GRIP1: variants seen among roughly 807,000 people sequenced by gnomAD.
The protein encoded by GRIP1 is glutamate receptor interacting protein 1, also known as glutamate receptor-interacting protein 1.
GRIP1 carries 45 observed loss-of-function variants against 129.9 expected under a neutral mutation model. The ratio of observed to expected loss-of-function variants is 0.35; its 90% confidence interval spans 0.27 to 0.44. The LOEUF is 0.44. Among genes scored for constraint, GRIP1 ranks in the 20% least tolerant of loss-of-function variants. GRIP1 has a pLI of 1.00. For missense variants in GRIP1, 1,196 were observed against 1,396.8 expected, an observed-to-expected ratio of 0.86 and a Z score of 2.29; for synonymous variants, 530 against 520.8, an observed-to-expected ratio of 1.02 and a Z score of -0.24.
chr12:66,602,674 T>C (rs77925967), intron 1 of GRIP1, among the ~76,000 whole-genome samples: 3,209 of 152,152 alleles, frequency 0.021, 117 homozygotes, highest in African/African-American at 0.073. Flanking sequence ...TTCCCTGTGA[T>C]AGTCTCTTTC....
At chr12:66,805,821 T>G (rs2038978968), upstream of GRIP1, among the ~76,000 whole-genome samples, 1 of 152,194 alleles carries the variant, frequency 6.6e-6, no homozygotes, top group South Asian at 2.1e-4. Flanking sequence ...TCTGTGAAGT[T>G]CCTTTATTCC....
At chr12:67,016,770 A>G (rs76537745) in intron 1 of GRIP1, among the ~76,000 whole-genome samples, 3,280 of 152,308 alleles carry the variant, frequency 0.022, 105 homozygotes, top group East Asian at 0.093. Flanking sequence ...TTTTTGCATA[A>G]TATTTCAAAA....
At chr12:66,613,551 G>C (rs1322818794) in intron 1 of GRIP1, among the ~76,000 whole-genome samples, 1 of 152,098 alleles carries the variant, frequency 6.6e-6, no homozygotes, top group Non-Finnish European at 1.5e-5. Flanking sequence ...TGCTTTACAT[G>C]ATAAATGATG....
intron 1 of GRIP1, among the ~76,000 whole-genome samples, chr12:66,704,995 A>T (rs1458832068): frequency 6.6e-6 from 1 of 152,098 alleles, no homozygotes; most frequent in Non-Finnish European, 1.5e-5. Context: ...TTATCTAGGC[A>T]GTAAGCTCCA....
intron 1 of GRIP1, among the ~76,000 whole-genome samples, chr12:67,042,053 A>C (rs1458911214): frequency 6.6e-6 from 1 of 152,162 alleles, no homozygotes; most frequent in Non-Finnish European, 1.5e-5. Flanking sequence ...CTGTTACAGC[A>C]GGACTGAGTT....
At chr12:66,612,821 T>C (rs1490181662) in intron 1 of GRIP1, among the ~76,000 whole-genome samples, 1 of 152,164 alleles carries the variant, frequency 6.6e-6, no homozygotes, top group Non-Finnish European at 1.5e-5. Context: ...TGCGATTCCA[T>C]GGACCCCTAG....
At chr12:66,680,828 C>G (rs556559040), upstream of GRIP1, among the ~76,000 whole-genome samples, 1 of 152,154 alleles carries the variant, frequency 6.6e-6, no homozygotes, top group Non-Finnish European at 1.5e-5. Flanking sequence ...ACCACCACCC[C>G]AGCCCAGTCT....
chr12:66,417,175 A>G (rs2057637355), intron 15 of GRIP1, among the ~76,000 whole-genome samples: 1 of 152,166 alleles, frequency 6.6e-6, no homozygotes, highest in South Asian at 2.1e-4. Flanking sequence ...TGTCAGTAGA[A>G]TAAAGGACAA....
chr12:66,461,827 G>C (rs2059145181), intron 9 of GRIP1, among the ~76,000 whole-genome samples: 1 of 152,150 alleles, frequency 6.6e-6, no homozygotes, highest in African/African-American at 2.4e-5. Context: ...TTCAATTTCA[G>C]AGAAAACTGC....
intron 1 of GRIP1, among the ~76,000 whole-genome samples, chr12:66,620,047 A>G (rs2065202346): frequency 6.6e-6 from 1 of 152,152 alleles, no homozygotes; most frequent in Admixed American, 6.6e-5. Context: ...TATAATACAG[A>G]TAATATATGG....
At chr12:66,413,012 A>G (rs936250695) in intron 15 of GRIP1, among the ~76,000 whole-genome samples, 1 of 152,194 alleles carries the variant, frequency 6.6e-6, no homozygotes, top group East Asian at 1.9e-4. Flanking sequence ...TGACAGTGGG[A>G]TATTGTAACA....
rs550141899 is a variant in GRIP1 at position 66,547,396 on chromosome 12, C to T, written c.137-5446G>A. Among the ~76,000 whole-genome samples the T allele has an allele frequency of 1.3e-3, 200 of 152,192 alleles. 1 individual carries two copies. The highest frequency in any genetic ancestry group is 4.5e-3 in the African/African-American group (186 of 41,536). The stretch of plus-strand genomic sequence containing the variant: ...ATTAGAAAACTAAATATGCAACCAC[C>T]CTATGAGCCAGAAATTATACTCCTG... On this transcript the variant is annotated intron_variant, in intron 2 of 24. Transcript: ENST00000359742.
chr12:66,783,338 T>G lies in GRIP1; in HGVS notation c.-420+20715A>C, dbSNP rs552501599. On this transcript the variant is annotated intron_variant, in intron 1 of 4. Coordinates refer to the GRIP1 transcript ENST00000538373. ...CGTGAGCCACCATGCCTGGCCACAT[T>G]GTTTCTTGATTATTATAATGTCATG... 9.7e-4 allele frequency among the ~76,000 whole-genome samples: 148 copies of G among 152,252 alleles called. 1 individual carries two copies. The highest frequency in any genetic ancestry group is 3.4e-3 in the African/African-American group (142 of 41,560).
intron 1 of GRIP1, among the ~76,000 whole-genome samples, chr12:66,671,517 G>A (rs1222877893): frequency 2.6e-5 from 4 of 151,962 alleles, no homozygotes; most frequent in Non-Finnish European, 4.4e-5. Flanking sequence ...ACAGGCTGCT[G>A]CCCATCTACA....
intron 1 of GRIP1, chr12:66,626,908 C>T (rs561473766): frequency 1.3e-5 from 2 of 152,394 alleles, no homozygotes; most frequent in East Asian, 1.9e-4. Flanking sequence ...TGCTCTCTGA[C>T]CATCCCTGCA....
In GRIP1 at chr12:66,659,338, G is replaced by A. The variant is rs2136185490; in HGVS notation, c.55+19512C>T. On this transcript the variant is annotated intron_variant, in intron 1 of 24. Transcript: ENST00000359742. ...GAAGCTCCATGGATGCAGAGACAAG[G>A]CCTATTTTATTTGCTGCTGTGTAAA... Among the ~76,000 whole-genome samples, 2 of 152,302 alleles carry A rather than the reference G, an allele frequency of 1.3e-5. 1 individual carries two copies. The highest frequency in any genetic ancestry group is 6.8e-3 in the Middle Eastern group (2 of 294).
chr12:66,946,773 TG>T (rs1227904171), intron 1 of GRIP1, among the ~76,000 whole-genome samples: 8 of 22,774 alleles, frequency 3.5e-4, no homozygotes, highest in African/African-American at 1.9e-3. Context: ...GGTCGGGGGG[TG>T]GGGTGGGGGA....
Position 67,024,146 on chromosome 12 carries a change from A to G in GRIP1, c.58+44904T>C, listed in dbSNP as rs1358390962. ...TAACAAATAGTTAAAATTATCAAAA[A>G]GAAAAAATGTTTTCCTTCCATCACT... On this transcript the variant is annotated intron_variant, in intron 1 of 1. Transcript: ENST00000643019. 2.6e-5 allele frequency among the ~76,000 whole-genome samples: 4 copies of G among 152,334 alleles called. No individual in the cohort carries two copies. In the East Asian group the frequency reaches 7.7e-4, roughly 29 times the overall value.
intron 5 of GRIP1, among the ~76,000 whole-genome samples, chr12:66,521,794 C>A (rs931407357): frequency 6.6e-6 from 1 of 152,208 alleles, no homozygotes; most frequent in South Asian, 2.1e-4. Context: ...AATCGGGTCA[C>A]TCCCACCCTA....
Sources: allele counts gnomAD v4.1 joint callset (sites outside exome capture counted in the v4.1 genomes callset), GRCh38; gene constraint gnomAD v4.1.1; transcripts MANE v1.5; gene names NCBI Gene and HGNC (gene_info 2026-07-23, HGNC 2026-07-21).